The following GOLGA4 variants were observed in gnomAD, a reference collection of about 807,000 sequenced individuals.
GOLGA4 encodes golgin A4.
GOLGA4 carries 169 observed loss-of-function variants against 265.9 expected under a neutral mutation model. The ratio of observed to expected loss-of-function variants is 0.64; its 90% CI spans 0.56 to 0.72. The LOEUF (loss-of-function observed/expected upper bound fraction) is 0.72, where lower values mean the gene tolerates loss of function less well. GOLGA4 is among the 30% of genes least tolerant of loss of function. The pLI, the probability that GOLGA4 is intolerant of heterozygous loss-of-function variation, is 0.00. For missense variants in GOLGA4, 2,482 were observed against 2,483.4 expected (o/e 1.00, Z 0.01); for synonymous variants, 923 against 855.8 (o/e 1.08, Z -1.37).
intron 10 of GOLGA4, among the ~76,000 whole-genome samples, chr3:37,314,511 C>A (rs1203488731): frequency 6.6e-6 from 1 of 151,874 alleles, no homozygotes; most frequent in Admixed American, 6.6e-5. Flanking sequence ...CATGGTGGTG[C>A]ATGCCTGTGG....
At chr3:37,319,458 G>A (rs1040612190) in intron 12 of GOLGA4, 53 of 192,364 alleles carry the variant, frequency 2.8e-4, no homozygotes, top group African/African-American at 1.2e-3. Flanking sequence ...GCAGTGGTGA[G>A]ATCTTGGCTC....
intron 1 of GOLGA4, among the ~76,000 whole-genome samples, chr3:37,247,021 T>C (rs1464492497): frequency 6.6e-6 from 1 of 152,236 alleles, no homozygotes; most frequent in Non-Finnish European, 1.5e-5. Context: ...GTTTACTAAA[T>C]AGTTTCAGTC....
intron 12 of GOLGA4, chr3:37,320,094 G>A (rs2096950556): frequency 8.7e-6 from 1 of 114,406 alleles, no homozygotes; most frequent in Non-Finnish European, 2.1e-5. Context: ...CAGTCCATAC[G>A]ATGGCTTAAA....
rs149142545 is a variant in GOLGA4 at position 37,325,679 on chromosome 3, T to C, written c.3793T>C (p.Leu1265=). 5 of 1,613,774 alleles carry C rather than the reference T, an allele frequency of 3.1e-6. No individual in the cohort carries two copies. In the African/African-American group the frequency reaches 6.7e-5, roughly 22 times the overall value. The change falls in exon 14 of 24, where the codon TTA becomes CTA. Residue 1265 remains leucine (L), a synonymous_variant. Coordinates refer to ENST00000361924, the MANE Select transcript of GOLGA4 (RefSeq NM_002078.5). ...HRTTKVKEAL[L]IKTCTVSELE... is the part of the protein sequence containing the mutation. ...TACAACTAAAGTTAAGGAGGCACTG[T>C]TAATTAAAACTTGCACAGTTTCTGA...
chr3:37,353,643 T>C (rs531313515), intron 21 of GOLGA4, among the ~76,000 whole-genome samples: 3 of 152,068 alleles, frequency 2.0e-5, no homozygotes, highest in Non-Finnish European at 4.4e-5. Context: ...ATTCAAGCAA[T>C]TCTCCCACCT....
chr3:37,344,957 A>G (rs1578814902), intron 20 of GOLGA4, among the ~76,000 whole-genome samples: 3 of 152,316 alleles, frequency 2.0e-5, no homozygotes, highest in South Asian at 4.1e-4. Context: ...ACTCATGCCA[A>G]TAGTCTGAAC....
intron 12 of GOLGA4, among the ~76,000 whole-genome samples, chr3:37,320,678 GAAAT>G (rs1425154880): frequency 4.6e-5 from 7 of 152,156 alleles, no homozygotes; most frequent in South Asian, 2.1e-4. Flanking sequence ...AACAAAGTGG[GAAAT>G]AAATAGTGCT....
At chr3:37,258,120 A>G (rs899740051) in intron 2 of GOLGA4, among the ~76,000 whole-genome samples, 16 of 134,478 alleles carry the variant, frequency 1.2e-4, no homozygotes, top group South Asian at 2.3e-4. Context: ...ATATGTGTGT[A>G]TATATATATG....
rs150707883 is a variant in GOLGA4 at position 37,314,682 on chromosome 3, C to T, written c.1235-738C>T. Among the ~76,000 whole-genome samples the T allele has an allele frequency of 3.2e-3, 450 of 142,692 alleles. 2 individuals are homozygous for T. The highest frequency in any genetic ancestry group is 7.9e-3 in the African/African-American group (314 of 39,612). The allele number at this position is 142,692 out of a possible 152,430, so 93.6% of individuals were successfully genotyped here. On this transcript the variant is annotated intron_variant, in intron 10 of 23. Coordinates refer to ENST00000361924, the MANE Select transcript of GOLGA4 (RefSeq NM_002078.5). Reference sequence around the variant, plus strand: ...ACACACACACACACACACACACACACGAAAAAAACCTTACTACTCTAGCCA... The same window carrying T: ...ACACACACACACACACACACACACATGAAAAAAACCTTACTACTCTAGCCA...
intron 20 of GOLGA4, among the ~76,000 whole-genome samples, chr3:37,346,851 C>T (rs1233730541): frequency 6.6e-6 from 1 of 152,074 alleles, no homozygotes; most frequent in African/African-American, 2.4e-5. Context: ...GCTCATCAGA[C>T]ATATGTAAAT....
intron 16 of GOLGA4, among the ~76,000 whole-genome samples, chr3:37,329,656 A>G (rs2096983693): frequency 6.6e-6 from 1 of 152,228 alleles, no homozygotes; most frequent in African/African-American, 2.4e-5. Context: ...TACTTACTCT[A>G]CTAATGCCAT....
chr3:37,349,062 G>C (rs559552586), intron 21 of GOLGA4, among the ~76,000 whole-genome samples: 1 of 152,070 alleles, frequency 6.6e-6, no homozygotes, highest in Non-Finnish European at 1.5e-5. Flanking sequence ...TATCTTCAGC[G>C]TCGATTCTCC....
At chr3:37,338,603 A>G (rs2097022161) in intron 19 of GOLGA4, among the ~76,000 whole-genome samples, 1 of 152,190 alleles carries the variant, frequency 6.6e-6, no homozygotes, top group Admixed American at 6.5e-5. Flanking sequence ...TTAAAAGTTA[A>G]CATTTTAATC....
intron 2 of GOLGA4, among the ~76,000 whole-genome samples, chr3:37,278,584 C>G (rs780615248): frequency 6.6e-6 from 1 of 152,054 alleles, no homozygotes; most frequent in Non-Finnish European, 1.5e-5. Context: ...AATGAGTCAA[C>G]TTTATAACAA....
At chr3:37,254,589 A>G (rs1166820889) in intron 2 of GOLGA4, among the ~76,000 whole-genome samples, 1 of 151,664 alleles carries the variant, frequency 6.6e-6, no homozygotes, top group African/African-American at 2.4e-5. Context: ...GCTCACTGCA[A>G]CCTCCGCCTC....
In GOLGA4 at chr3:37,299,275, A is replaced by G; in HGVS notation, c.1003-13A>G. On this transcript the variant is annotated splice_polypyrimidine_tract_variant and intron_variant, in intron 8 of 23. Coordinates refer to ENST00000361924, the MANE Select transcript of GOLGA4 (RefSeq NM_002078.5). Reference sequence around the variant, plus strand: ...TTATTAGAGATGGAAATGAATTTAAAAATTTTTTTTAGGACCTTCATATGG... The same window carrying G: ...TTATTAGAGATGGAAATGAATTTAAGAATTTTTTTTAGGACCTTCATATGG... 1 of 1,578,308 alleles carries G rather than the reference A, an allele frequency of 6.3e-7. No individual in the cohort carries two copies. The highest frequency in any genetic ancestry group is 8.7e-7 in the Non-Finnish European group (1 of 1,149,938).
chr3:37,286,444 C>T (rs557413147), intron 4 of GOLGA4, among the ~76,000 whole-genome samples: 23 of 152,232 alleles, frequency 1.5e-4, no homozygotes, highest in East Asian at 3.9e-4. Context: ...TGAGCCACCG[C>T]GCCCGGCCTA....
At chr3:37,333,534 C>G (rs1249466246) in intron 16 of GOLGA4, among the ~76,000 whole-genome samples, 1 of 152,144 alleles carries the variant, frequency 6.6e-6, no homozygotes, top group Admixed American at 6.5e-5. Flanking sequence ...AAGGAAATGT[C>G]AGACATAGCT....
Position 37,324,506 on chromosome 3 carries a change from A to G in GOLGA4, c.2620A>G (p.Asn874Asp). ...QDLMQQLEKQ[N>D]SEMEQKVKSL... ...CTTAATGCAGCAACTTGAAAAACAA[A>G]ATAGTGAAATGGAGCAAAAAGTAAA... is the stretch of plus-strand genomic sequence containing the variant. The change falls in exon 14 of 24, where the codon AAT (asparagine) becomes GAT (aspartate). Residue 874 changes from asparagine (N) to aspartate (D), a missense_variant. Around this residue, in one of 3 missense-constraint regions of GOLGA4, gnomAD observed 1,536 missense variants for 1,483.7 expected, o/e 1.04. Coordinates refer to ENST00000361924, the MANE Select transcript of GOLGA4 (RefSeq NM_002078.5). The G allele has an allele frequency of 1.9e-6, 3 of 1,614,008 alleles. No individual in the cohort carries two copies. Among genetic ancestry groups the G allele is most frequent in the Non-Finnish European group, 1.7e-6 (2 of 1,179,930 alleles).
Sources: allele counts gnomAD v4.1 joint callset (sites outside exome capture counted in the v4.1 genomes callset), GRCh38; gene constraint gnomAD v4.1.1; regional missense constraint gnomAD v4.1.1; transcripts MANE v1.5; gene names NCBI Gene and HGNC (gene_info 2026-07-23, HGNC 2026-07-21).